Variants in RBFOX1 observed in about 807,000 individuals in gnomAD.
RBFOX1 encodes RNA binding fox-1 homolog 1, also known as RNA binding protein fox-1 homolog 1.
In RBFOX1, 8 loss-of-function variants were observed where a neutral mutation model predicts 57.7. That is an observed-to-expected ratio of 0.14 (90% confidence interval 0.08 to 0.25). The LOEUF (loss-of-function observed/expected upper bound fraction) is 0.25. Among genes scored for constraint, RBFOX1 ranks in the 10% least tolerant of loss-of-function variants. The probability of loss-of-function intolerance (pLI) is 1.00; values close to 1 mark genes in which losing one functional copy is unlikely to be tolerated. For synonymous variants in RBFOX1, 326 were observed against 222.4 expected (o/e 1.47, Z -4.15); for missense variants, 611 against 548.5 (o/e 1.11, Z -1.14).
chr16:7,697,163 G>T (rs1172630320), intron 14 of RBFOX1, among the ~76,000 whole-genome samples: 1 of 152,068 alleles, frequency 6.6e-6, no homozygotes, highest in Non-Finnish European at 1.5e-5. Context: ...GAAGGGCAAT[G>T]GGGGGGCCCT....
At chr16:5,614,694 A>T (rs76762875) in intron 3 of RBFOX1, among the ~76,000 whole-genome samples, 1,982 of 152,290 alleles carry the variant, frequency 0.013, 19 homozygotes, top group Admixed American at 0.02. Flanking sequence ...CCCTGTACAT[A>T]TCTTGTACTA....
At chr16:7,545,045 C>T (rs2084039915) in intron 5 of RBFOX1, among the ~76,000 whole-genome samples, 1 of 152,182 alleles carries the variant, frequency 6.6e-6, no homozygotes, top group African/African-American at 2.4e-5. Flanking sequence ...TTGCATCAAA[C>T]AGTGTCTACT....
chr16:5,695,428 T>C (rs1024805367), intron 3 of RBFOX1, among the ~76,000 whole-genome samples: 4 of 152,132 alleles, frequency 2.6e-5, no homozygotes, highest in African/African-American at 4.8e-5. Flanking sequence ...AAAAAACCAC[T>C]CTTTTGTAGG....
intron 14 of RBFOX1, among the ~76,000 whole-genome samples, chr16:7,707,803 C>G (rs886694284): frequency 6.6e-6 from 1 of 152,222 alleles, no homozygotes; most frequent in African/African-American, 2.4e-5. Flanking sequence ...AGATATTCAT[C>G]TCAGACGTTG....
intron 4 of RBFOX1, among the ~76,000 whole-genome samples, chr16:5,931,388 A>G (rs757402008): frequency 1.3e-5 from 2 of 152,138 alleles, no homozygotes; most frequent in Non-Finnish European, 2.9e-5. Flanking sequence ...GGAGGTGGAG[A>G]TGGGTCCTTT....
intron 3 of RBFOX1, among the ~76,000 whole-genome samples, chr16:6,708,252 A>G (rs2063111767): frequency 6.6e-6 from 1 of 151,172 alleles, no homozygotes; most frequent in African/African-American, 2.4e-5. Flanking sequence ...GTTGAAAGTC[A>G]TTGTGTGGGC....
chr16:6,666,195 T>C (rs1470025423), intron 3 of RBFOX1, among the ~76,000 whole-genome samples: 1 of 152,162 alleles, frequency 6.6e-6, no homozygotes, highest in Non-Finnish European at 1.5e-5. Flanking sequence ...CTCAGGTACA[T>C]CTGTATCAGC....
At chr16:5,536,029 C>A (rs568637354) in intron 2 of RBFOX1, among the ~76,000 whole-genome samples, 1 of 152,122 alleles carries the variant, frequency 6.6e-6, no homozygotes, top group Non-Finnish European at 1.5e-5. Context: ...CCTTTCCTGA[C>A]AGGGAATCTC....
At chr16:5,771,262 G>T (rs1178335021) in intron 3 of RBFOX1, among the ~76,000 whole-genome samples, 1 of 152,246 alleles carries the variant, frequency 6.6e-6, no homozygotes, top group Non-Finnish European at 1.5e-5. Flanking sequence ...CATTAAGGTT[G>T]TGAGAAGCTC....
chr16:7,697,689 C>G (rs1001627562), intron 14 of RBFOX1, among the ~76,000 whole-genome samples: 2 of 152,126 alleles, frequency 1.3e-5, no homozygotes, highest in Non-Finnish European at 2.9e-5. Context: ...CCATCTGATG[C>G]CAAAACCCTT....
At chr16:7,272,117 G>C (rs2095332970) in intron 4 of RBFOX1, among the ~76,000 whole-genome samples, 1 of 152,164 alleles carries the variant, frequency 6.6e-6, no homozygotes, top group African/African-American at 2.4e-5. Flanking sequence ...AAATGCTCCT[G>C]AAAACTTGAT....
rs28489372 is a variant in RBFOX1 at position 6,951,055 on chromosome 16, A to G, written c.-15-101002A>G. ...CGAGTAGGTGGGACTACAGGCACGT[A>G]TCACCATGCCCAGCAATTTTATCTT... On this transcript the variant is annotated intron_variant, in intron 3 of 15. Coordinates refer to ENST00000550418, the MANE Select transcript of RBFOX1 (RefSeq NM_018723.4). Among the ~76,000 whole-genome samples, 1,317 of 152,018 alleles carry G rather than the reference A, an allele frequency of 8.7e-3. 11 individuals are homozygous for G. Among genetic ancestry groups the G allele is most frequent in the African/African-American group, 0.03 (1,227 of 41,466 alleles).
chr16:5,425,095 AT>A (rs2067511638), intron 1 of RBFOX1, among the ~76,000 whole-genome samples: 1 of 136,870 alleles, frequency 7.3e-6, no homozygotes, highest in Non-Finnish European at 1.5e-5. Flanking sequence ...CTATCTATCT[AT>A]CTATCTATCT....
intron 1 of RBFOX1, among the ~76,000 whole-genome samples, chr16:6,248,324 T>C (rs888401847): frequency 1.3e-5 from 2 of 152,130 alleles, no homozygotes; most frequent in Admixed American, 1.3e-4. Context: ...TTTTGGATAA[T>C]GGGCATTTCT....
chr16:7,335,352 A>G (rs1298538189), intron 4 of RBFOX1, among the ~76,000 whole-genome samples: 2 of 152,216 alleles, frequency 1.3e-5, no homozygotes, highest in African/African-American at 4.8e-5. Context: ...AAAATGAGCC[A>G]AAATAAACCA....
chr16:7,384,852 A>C (rs2097850545), intron 4 of RBFOX1, among the ~76,000 whole-genome samples: 1 of 152,312 alleles, frequency 6.6e-6, no homozygotes, highest in South Asian at 2.1e-4. Flanking sequence ...TCTAGTTGAA[A>C]GGAGGCAAAC....
intron 3 of RBFOX1, among the ~76,000 whole-genome samples, chr16:6,906,125 C>A (rs74810330): frequency 6.6e-6 from 1 of 152,096 alleles, no homozygotes; most frequent in East Asian, 1.9e-4. Flanking sequence ...AATTATAATG[C>A]CTCACTTAGG....
chr16:5,349,455 C>A (rs1021581475), intron 1 of RBFOX1, among the ~76,000 whole-genome samples: 7 of 152,182 alleles, frequency 4.6e-5, no homozygotes, highest in African/African-American at 1.7e-4. Context: ...CAGCGGATTA[C>A]TCAAGGTCAG....
At chr16:7,591,477 A>G (rs2094440752) in intron 7 of RBFOX1, among the ~76,000 whole-genome samples, 1 of 152,234 alleles carries the variant, frequency 6.6e-6, no homozygotes, top group Non-Finnish European at 1.5e-5. Flanking sequence ...AAAAAAGAAC[A>G]ATAACTAGGA....
Sources: gnomAD v4.1 joint callset for allele counts (sites outside exome capture counted in the v4.1 genomes callset) on GRCh38, gnomAD v4.1.1 for gene constraint, MANE v1.5 for transcripts, NCBI Gene and HGNC (gene_info 2026-07-23, HGNC 2026-07-21) for gene names.